PCDHGB5: variants seen among roughly 807,000 people sequenced by gnomAD.
PCDHGB5 encodes the protein protocadherin gamma-B5.
A neutral mutation model predicts 62.9 loss-of-function variants in PCDHGB5; 48 were observed. The observed-to-expected ratio is 0.76, with a 90% CI of 0.61 to 0.97. PCDHGB5 has a LOEUF of 0.97. PCDHGB5 is among the 50% of genes least tolerant of loss of function. PCDHGB5 has a pLI of 0.00. For synonymous variants in PCDHGB5, 474 were observed against 511.2 expected (o/e 0.93, Z 0.98); for missense variants, 1,118 against 1,198.6 (o/e 0.93, Z 0.99).
At chr5:141,419,807 G>A in intron 1 of PCDHGB5, 2 of 1,614,074 alleles carry the variant, frequency 1.2e-6, no homozygotes, top group South Asian at 1.1e-5. Flanking sequence ...AAGAGATGGA[G>A]GACAGCCACC....
rs2096260633 is a variant in PCDHGB5 at position 141,418,459 on chromosome 5, G to C, written c.2397+17935G>C. 2.5e-6 allele frequency: 4 copies of C among 1,613,992 alleles called. No homozygotes were observed. In the East Asian group the frequency reaches 6.7e-5, roughly 27 times the overall value. ...CAGAATTAGTATTGCAGAAGACTCT[G>C]GACCGAGAAACGCAGAGCGCTCACC... On this transcript the variant is annotated intron_variant, in intron 1 of 3. Transcript: ENST00000617380.
intron 1 of PCDHGB5, among the ~76,000 whole-genome samples, chr5:141,429,602 C>T (rs548994907): frequency 1.1e-4 from 16 of 152,218 alleles, no homozygotes; most frequent in African/African-American, 3.6e-4. Flanking sequence ...TTCAAGTAAA[C>T]TCAATTTTAT....
chr5:141,433,259 T>C (rs776486704), intron 1 of PCDHGB5: 3 of 1,380,658 alleles, frequency 2.2e-6, no homozygotes, highest in Non-Finnish European at 3.0e-6. Flanking sequence ...AGCGGTACGA[T>C]CATAGCTCAC....
At chr5:141,463,587 T>TA (rs2099064735) in intron 1 of PCDHGB5, among the ~76,000 whole-genome samples, 1 of 152,058 alleles carries the variant, frequency 6.6e-6, no homozygotes, top group East Asian at 1.9e-4. Context: ...TAGCTGGGAC[T>TA]ACAGGTGCCT....
intron 1 of PCDHGB5, among the ~76,000 whole-genome samples, chr5:141,466,554 G>A (rs2099125028): frequency 6.6e-6 from 1 of 152,068 alleles, no homozygotes. Flanking sequence ...TTTGCTGTGG[G>A]CTTCATCTTC....
At chr5:141,465,649 A>C (rs1174371552) in intron 1 of PCDHGB5, among the ~76,000 whole-genome samples, 1 of 152,200 alleles carries the variant, frequency 6.6e-6, no homozygotes, top group African/African-American at 2.4e-5. Context: ...TGAACATCCC[A>C]AAAAAGCGCT....
chr5:141,431,228 G>C lies in PCDHGB5; in HGVS notation c.2397+30704G>C, dbSNP rs772199359. The stretch of plus-strand genomic sequence containing the variant: ...TGAGATGCGGTTCCCTCTACCCCAC[G>C]CCTGGGATCCGGATATCGGGAAGAA... On this transcript the variant is annotated intron_variant, in intron 1 of 3. Coordinates refer to ENST00000617380, the MANE Select transcript of PCDHGB5 (RefSeq NM_018925.3). The surrounding 1 kb of genome is among the most constrained non-coding windows in gnomAD (Gnocchi z 4.8). The C allele has an allele frequency of 1.9e-6, 3 of 1,614,000 alleles. No individual in the cohort carries two copies. The African/African-American group carries it at 4.0e-5, about 22-fold the overall frequency.
At chr5:141,510,862 C>T (rs764422869) in intron 3 of PCDHGB5, 85 bp from the exon 4 acceptor site, 22 of 1,606,772 alleles carry the variant, frequency 1.4e-5, no homozygotes, top group Non-Finnish European at 1.7e-5. Flanking sequence ...GCTGTATAGG[C>T]ATTCATTAAC....
chr5:141,446,800 G>C (rs1332771959), intron 1 of PCDHGB5, among the ~76,000 whole-genome samples: 1 of 152,150 alleles, frequency 6.6e-6, no homozygotes, highest in African/African-American at 2.4e-5. Flanking sequence ...TTCTTCCATT[G>C]TGATCATCTA....
intron 1 of PCDHGB5, chr5:141,433,284 C>T: frequency 8.5e-7 from 1 of 1,176,236 alleles, no homozygotes; most frequent in Non-Finnish European, 1.2e-6. Flanking sequence ...GCCTCAAACT[C>T]CTAGGCTCAA....
intron 1 of PCDHGB5, chr5:141,408,300 T>TC: frequency 6.2e-7 from 1 of 1,613,732 alleles, no homozygotes; most frequent in South Asian, 1.1e-5. Context: ...AGTGAGCCGA[T>TC]CCGCTACTCG....
rs1362496624 is a variant in PCDHGB5, at chr5:141,432,370, C to T, written c.2397+31846C>T. On this transcript the variant is annotated intron_variant, in intron 1 of 3. Coordinates refer to ENST00000617380, the MANE Select transcript of PCDHGB5 (RefSeq NM_018925.3). This position sits in a 1 kb window ranked among gnomAD's most constrained non-coding sequence, Gnocchi z 6.0. ...AAGTGAAAGTGATGGCGCGGGACAA[C>T]GGGCACCCGCCCCTCAGCAGCAACG... The T allele has an allele frequency of 6.2e-7, 1 of 1,614,240 alleles. No individual in the cohort carries two copies. Among genetic ancestry groups the T allele is most frequent in the Non-Finnish European group, 8.5e-7 (1 of 1,180,048 alleles).
In PCDHGB5 at chr5:141,422,020, G is replaced by T. The variant is rs374562798; in HGVS notation, c.2397+21496G>T. The T allele has an allele frequency of 1.3e-5, 21 of 1,610,932 alleles. No individual in the cohort carries two copies. The East Asian group carries it at 3.8e-4, about 29-fold the overall frequency. On this transcript the variant is annotated intron_variant, in intron 1 of 3. Transcript: ENST00000617380. ...CAGCTCCGGAACTCGGGTGCTGATG[G>T]TTAATGCAACGGATCCAGACGAGGG...
chr5:141,410,817 ATGTCACCAGACTGAAGATATTTTGTCTT>A, intron 1 of PCDHGB5: 1 of 524,252 alleles, frequency 1.9e-6, no homozygotes, highest in Non-Finnish European at 3.1e-6. Flanking sequence ...TTGTAAAATA[ATGTCACCAGACTGAAGATATTTTGTCTT>A]TGTCTTTTTT....
At chr5:141,447,576 A>G (rs758449068) in intron 1 of PCDHGB5, among the ~76,000 whole-genome samples, 6 of 152,214 alleles carry the variant, frequency 3.9e-5, no homozygotes, top group African/African-American at 7.2e-5. Context: ...CTATGTCCAC[A>G]CATACCTTAA....
At chr5:141,427,861 T>G (rs776215800) in intron 1 of PCDHGB5, 2 of 1,556,958 alleles carry the variant, frequency 1.3e-6, no homozygotes, top group Admixed American at 1.7e-5. Flanking sequence ...CTGTGCGCCT[T>G]CGAGCTCACG....
intron 1 of PCDHGB5, chr5:141,420,925 G>A: frequency 2.8e-6 from 1 of 355,536 alleles, no homozygotes; most frequent in Non-Finnish European, 5.1e-6. Context: ...TCACAAAGGT[G>A]AGCGTAATCA....
At chr5:141,494,268 C>G (rs576129333) in intron 1 of PCDHGB5, among the ~76,000 whole-genome samples, 31 of 152,288 alleles carry the variant, frequency 2.0e-4, no homozygotes, top group African/African-American at 7.2e-4. Flanking sequence ...TTCTTGCAAG[C>G]CAAGGGCCCA....
intron 1 of PCDHGB5, among the ~76,000 whole-genome samples, chr5:141,459,838 A>G (rs944807247): frequency 6.6e-6 from 1 of 152,098 alleles, no homozygotes; most frequent in Non-Finnish European, 1.5e-5. Flanking sequence ...TGTGTTGTCT[A>G]TTTGTATATC....
Sources: gnomAD v4.1 joint callset for allele counts (sites outside exome capture counted in the v4.1 genomes callset) on GRCh38, gnomAD v4.1.1 for gene constraint, Gnocchi (gnomAD v3.1) non-coding constraint, MANE v1.5 for transcripts, NCBI Gene and HGNC (gene_info 2026-07-23, HGNC 2026-07-21) for gene names.